SCN3A: variants seen among roughly 807,000 people sequenced by gnomAD.
SCN3A encodes sodium channel protein type 3 subunit alpha.
Under a neutral mutation model 187.6 loss-of-function variants are expected in SCN3A, and 60 were observed. The ratio of observed to expected loss-of-function variants is 0.32; its 90% CI spans 0.26 to 0.40. SCN3A has a LOEUF of 0.40. Among genes scored for constraint, SCN3A ranks in the 10% least tolerant of loss-of-function variants. The probability of loss-of-function intolerance (pLI) is 1.00; values close to 1 mark genes in which losing one functional copy is unlikely to be tolerated. For synonymous variants in SCN3A, 788 were observed against 829.2 expected (o/e 0.95, Z 0.85); for missense variants, 1,601 against 2,428.2 (o/e 0.66, Z 7.16).
At chr2:165,113,092 G>A in intron 20 of SCN3A, 34 bp from the exon 21 acceptor site, 3 of 1,541,270 alleles carry the variant, frequency 1.9e-6, no homozygotes, top group Non-Finnish European at 2.7e-6. Flanking sequence ...TTACTTAAAT[G>A]GCTTGCTTCT....
chr2:165,199,461 G>C (rs1438523926), intron 1 of SCN3A, among the ~76,000 whole-genome samples: 1 of 151,656 alleles, frequency 6.6e-6, no homozygotes, highest in East Asian at 1.9e-4. Context: ...TTGTAAACTT[G>C]CTTGCAAGTT....
intron 12 of SCN3A, among the ~76,000 whole-genome samples, chr2:165,146,069 C>T (rs1688302603): frequency 6.6e-6 from 1 of 152,064 alleles, no homozygotes; most frequent in Non-Finnish European, 1.5e-5. Flanking sequence ...CAAAAATAGA[C>T]TACCTTTGAT....
chr2:165,105,570 T>C (rs778175564), intron 21 of SCN3A, among the ~76,000 whole-genome samples: 38 of 152,030 alleles, frequency 2.5e-4, no homozygotes, highest in Non-Finnish European at 5.1e-4. Context: ...CAGAGAGCTC[T>C]AGTGAAGATG....
chr2:165,101,031 A>G (rs1685580882), intron 21 of SCN3A, among the ~76,000 whole-genome samples: 1 of 152,208 alleles, frequency 6.6e-6, no homozygotes, highest in African/African-American at 2.4e-5. Flanking sequence ...CTTAAGATTT[A>G]GAATATAGTC....
intron 2 of SCN3A, among the ~76,000 whole-genome samples, chr2:165,185,662 C>T (rs1559274400): frequency 2.0e-5 from 3 of 152,108 alleles, no homozygotes; most frequent in Non-Finnish European, 4.4e-5. Context: ...CTTGTGGACC[C>T]GAACAACCTC....
At chr2:165,139,667 A>G (rs1687882311) in intron 13 of SCN3A, 59 bp from the exon 14 acceptor site, 5 of 1,604,148 alleles carry the variant, frequency 3.1e-6, no homozygotes, top group East Asian at 4.5e-5. Flanking sequence ...ACAACACCAC[A>G]TAGCATTTCT....
intron 5 of SCN3A, 46 bp from the exon 6 acceptor site, chr2:165,164,566 TTAAAA>T: frequency 6.2e-7 from 1 of 1,605,592 alleles, no homozygotes; most frequent in Non-Finnish European, 8.5e-7. Context: ...GCTTGAACTG[TTAAAA>T]TAAATGTTTT....
At chr2:165,153,571 G>A (rs1348046413) in intron 11 of SCN3A, among the ~76,000 whole-genome samples, 1 of 151,862 alleles carries the variant, frequency 6.6e-6, no homozygotes, top group Non-Finnish European at 1.5e-5. Flanking sequence ...GGGGATTAAA[G>A]ATTTGAACAA....
At chr2:165,146,376 ATATATATGTGTGTGTGTG>A (rs1208336502) in intron 12 of SCN3A, among the ~76,000 whole-genome samples, 4 of 120,800 alleles carry the variant, frequency 3.3e-5, no homozygotes, top group African/African-American at 1.4e-4. Context: ...GGTTATATAT[ATATATATGTGTGTGTGTG>A]TGTGTGTGTG....
At chr2:165,132,142 A>T (rs1284060100) in intron 15 of SCN3A, among the ~76,000 whole-genome samples, 1 of 152,216 alleles carries the variant, frequency 6.6e-6, no homozygotes, top group Non-Finnish European at 1.5e-5. Context: ...GATACAAACA[A>T]ATGGAAGAAC....
intron 5 of SCN3A, among the ~76,000 whole-genome samples, chr2:165,166,913 G>T (rs60051873): frequency 0.21 from 30,401 of 146,232 alleles, 3,921 homozygotes; most frequent in East Asian, 0.52. Context: ...TTTTTTTTTT[G>T]TTTTGAAACA....
intron 2 of SCN3A, among the ~76,000 whole-genome samples, chr2:165,179,313 A>G (rs938222887): frequency 3.1e-4 from 47 of 152,206 alleles, no homozygotes; most frequent in African/African-American, 1.1e-3. Flanking sequence ...GAGGCACCTC[A>G]ACACAGAAAT....
chr2:165,158,119 T>C (rs1383074030), intron 9 of SCN3A, among the ~76,000 whole-genome samples: 1 of 152,186 alleles, frequency 6.6e-6, no homozygotes, highest in Non-Finnish European at 1.5e-5. Flanking sequence ...TTCTAGGCCC[T>C]CTCAGCTGAC....
intron 7 of SCN3A, among the ~76,000 whole-genome samples, 199 bp from the exon 8 acceptor site, chr2:165,163,027 A>C (rs1194910752): frequency 6.6e-6 from 1 of 152,164 alleles, no homozygotes; most frequent in African/African-American, 2.4e-5. Flanking sequence ...GAAATTCAAT[A>C]TGAAGGTTTA....
intron 22 of SCN3A, among the ~76,000 whole-genome samples, chr2:165,099,793 T>C (rs949660698): frequency 6.6e-6 from 1 of 152,144 alleles, no homozygotes; most frequent in Admixed American, 6.5e-5. Flanking sequence ...ACCCTTCACT[T>C]TGGATGTTAT....
At chr2:165,138,677 T>A (rs2105803744) in intron 14 of SCN3A, among the ~76,000 whole-genome samples, 1 of 152,308 alleles carries the variant, frequency 6.6e-6, no homozygotes, top group African/African-American at 2.4e-5. Flanking sequence ...AATTTTAGCA[T>A]CATGTATTTA....
In SCN3A at chr2:165,139,542, G is replaced by A; in HGVS notation, c.2086C>T (p.Leu696=). ...CTTTGCCTTCCAGAGGAATCCTCCA[G>A]CATCTCCATTGAAATCTGGTAAGAG... ...LSSYQISMEM[L]EDSSGRQRAV... The change falls in exon 14 of 28, where the codon CTG becomes TTG. Residue 696 remains leucine, a synonymous_variant. Coordinates refer to ENST00000283254, the MANE Select transcript of SCN3A (RefSeq NM_006922.4). 6.2e-7 allele frequency: 1 copy of A among 1,613,890 alleles called. No individual in the cohort carries two copies. Among genetic ancestry groups the A allele is most frequent in the African/African-American group, 1.3e-5 (1 of 75,006 alleles).
chr2:165,200,028 AC>A (rs1309848220), intron 1 of SCN3A, among the ~76,000 whole-genome samples: 1 of 152,134 alleles, frequency 6.6e-6, no homozygotes, highest in Non-Finnish European at 1.5e-5. Context: ...ACCTCAAGTT[AC>A]AATTGTTCAG....
rs200965222 is a variant in SCN3A at position 165,168,858 on chromosome 2, G to T, written c.384-33C>A. The T allele has an allele frequency of 2.0e-3, 2,930 of 1,432,998 alleles. 7 individuals carry two copies. The highest frequency in any genetic ancestry group is 2.6e-3 in the Non-Finnish European group (2,635 of 1,015,726). 88.8% of individuals were successfully genotyped at this position (1,432,998 alleles called of 1,614,324 possible). ...ATAGTTAAGGAATAAATGTTAGTAG[G>T]TTACCATGGCCATTTATAAATGATC... On this transcript the variant is annotated intron_variant, in intron 4 of 27. Transcript: ENST00000283254.
Sources: gnomAD v4.1 joint callset for allele counts (sites outside exome capture counted in the v4.1 genomes callset) on GRCh38, gnomAD v4.1.1 for gene constraint, MANE v1.5 for transcripts, NCBI Gene and HGNC (gene_info 2026-07-23, HGNC 2026-07-21) for gene names.